The following RANBP9 variants were observed in gnomAD, a reference collection of about 807,000 sequenced individuals.
RANBP9 encodes the protein RAN binding protein 9.
A neutral mutation model predicts 84.3 loss-of-function variants in RANBP9; 15 were observed. The ratio of observed to expected loss-of-function variants is 0.18; its 90% CI spans 0.12 to 0.27. The LOEUF is 0.27. Among genes scored for constraint, RANBP9 ranks in the 10% least tolerant of loss-of-function variants. The probability of loss-of-function intolerance (pLI) is 1.00; values close to 1 mark genes in which losing one functional copy is unlikely to be tolerated. For missense variants in RANBP9, 809 were observed against 912.8 expected, an observed-to-expected ratio of 0.89 and a Z score of 1.46; for synonymous variants, 392 against 349.6, an observed-to-expected ratio of 1.12 and a Z score of -1.35.
chr6:13,677,163 G>A (rs1765905158), intron 2 of RANBP9, among the ~76,000 whole-genome samples: 1 of 152,118 alleles, frequency 6.6e-6, no homozygotes, highest in Non-Finnish European at 1.5e-5. Context: ...TCATAGCAAG[G>A]TGGCAGGATA....
At chr6:13,625,903 C>T in intron 12 of RANBP9, 139 bp from the exon 13 acceptor site, 1 of 553,522 alleles carries the variant, frequency 1.8e-6, no homozygotes, top group South Asian at 2.2e-5. Context: ...ACTCCCAGCA[C>T]TGGGACGCTC....
chr6:13,687,172 C>G (rs182753330), intron 2 of RANBP9, among the ~76,000 whole-genome samples: 1 of 152,172 alleles, frequency 6.6e-6, no homozygotes, highest in Admixed American at 6.5e-5. Flanking sequence ...CCTATCAATT[C>G]CCATGGCTTT....
intron 2 of RANBP9, among the ~76,000 whole-genome samples, chr6:13,667,345 G>A (rs982523530): frequency 6.6e-6 from 1 of 151,830 alleles, no homozygotes. Flanking sequence ...TTAGTTTTCT[G>A]CTATACCTTT....
At chr6:13,672,358 T>A (rs1490851476) in intron 2 of RANBP9, among the ~76,000 whole-genome samples, 3 of 152,090 alleles carry the variant, frequency 2.0e-5, no homozygotes. Flanking sequence ...ACACTTCTCC[T>A]CTCTACTAAA....
intron 5 of RANBP9, among the ~76,000 whole-genome samples, 178 bp from the exon 6 acceptor site, chr6:13,644,907 A>C (rs1337079571): frequency 1.3e-5 from 2 of 152,214 alleles, no homozygotes; most frequent in Non-Finnish European, 2.9e-5. Context: ...AGATGAAAAA[A>C]TATCACTTCC....
intron 2 of RANBP9, among the ~76,000 whole-genome samples, chr6:13,677,464 CTTTT>C (rs920649604): frequency 4.0e-5 from 6 of 151,878 alleles, no homozygotes; most frequent in African/African-American, 1.5e-4. Context: ...TAAGAGGGAT[CTTTT>C]TTTTATCTTA....
intron 1 of RANBP9, among the ~76,000 whole-genome samples, chr6:13,709,635 G>C (rs548847262): frequency 6.6e-6 from 1 of 152,178 alleles, no homozygotes; most frequent in African/African-American, 2.4e-5. Context: ...GATTAAGGAG[G>C]ATAACACTTG....
chr6:13,698,484 C>T (rs1584948567), intron 1 of RANBP9, among the ~76,000 whole-genome samples: 1 of 152,072 alleles, frequency 6.6e-6, no homozygotes, highest in Non-Finnish European at 1.5e-5. Flanking sequence ...GAGAAAAGGC[C>T]ATGGAAACTA....
At chr6:13,710,644 G>C (rs1291029846) in intron 1 of RANBP9, among the ~76,000 whole-genome samples, 1 of 152,214 alleles carries the variant, frequency 6.6e-6, no homozygotes, top group Non-Finnish European at 1.5e-5. Flanking sequence ...AGCCAGTTCT[G>C]TCCTGTCATC....
intron 1 of RANBP9, among the ~76,000 whole-genome samples, chr6:13,703,495 C>A (rs1443519745): frequency 6.6e-6 from 1 of 152,204 alleles, no homozygotes; most frequent in African/African-American, 2.4e-5. Context: ...TATCCTTGTA[C>A]CAGCAGGGTA....
At position 13,711,236 on chromosome 6, in the gene RANBP9, A is replaced by C. The variant is rs989477384; in HGVS notation, c.270T>G (p.Pro90=). ...CGGGGGCAGCCGCTGAGGCAGGGGG[A>C]GGCGGGGGCGGCGGCGGGGGCGGCG... is the stretch of plus-strand genomic sequence containing the variant. ...AAPPPPPPPP[P]PPASAAAPAS... The change falls in exon 1 of 14, where the codon CCT becomes CCG. Residue 90 remains proline (P), a synonymous_variant. Coordinates refer to ENST00000011619, the MANE Select transcript of RANBP9 (RefSeq NM_005493.3). 8 of 326,278 alleles carry C rather than the reference A, an allele frequency of 2.5e-5. No individual in the cohort carries two copies. The highest frequency in any genetic ancestry group is 1.9e-4 in the African/African-American group (3 of 15,924). The allele number at this position is 326,278 out of a possible 1,614,324, so 20.2% of individuals were successfully genotyped here. A position where few individuals can be genotyped will look rare whatever the true frequency, so the allele number is the denominator to read the frequency against.
intron 1 of RANBP9, among the ~76,000 whole-genome samples, chr6:13,699,101 T>C (rs1404310369): frequency 6.6e-6 from 1 of 152,150 alleles, no homozygotes; most frequent in Non-Finnish European, 1.5e-5. Flanking sequence ...AAATCTGTAA[T>C]CTGTCATGGG....
At chr6:13,687,877 GT>G (rs1444888133) in intron 2 of RANBP9, among the ~76,000 whole-genome samples, 4 of 152,108 alleles carry the variant, frequency 2.6e-5, no homozygotes, top group Non-Finnish European at 5.9e-5. Flanking sequence ...AAGATAAAAG[GT>G]AACACCCATT....
intron 2 of RANBP9, among the ~76,000 whole-genome samples, chr6:13,682,395 TA>T (rs202214378): frequency 0.03 from 3,064 of 102,314 alleles, 34 homozygotes; most frequent in African/African-American, 0.051. Flanking sequence ...GAAGCAAAAT[TA>T]AAAAAAAAAA....
intron 2 of RANBP9, among the ~76,000 whole-genome samples, chr6:13,675,183 T>C (rs976279799): frequency 6.6e-6 from 1 of 152,102 alleles, no homozygotes; most frequent in Non-Finnish European, 1.5e-5. Flanking sequence ...TTGACATTTA[T>C]AGTATACTTT....
rs1364005345 is a variant in RANBP9, at chr6:13,625,718, A to T, written c.1994T>A (p.Val665Asp). Residue 665 changes from valine to aspartate, a missense_variant, in exon 13 of 14, where the codon GTT (valine) becomes GAT (aspartate). Transcript: ENST00000011619. The part of the protein sequence containing the change: ...LAYSDPWNSP[V>D]GNQLDPIQRE... The stretch of plus-strand genomic sequence containing the variant: ...CTGAATCGGGTCAAGCTGATTTCCA[A>T]CTGGGCTGTTCCAGGGATCTGAATA... The T allele has an allele frequency of 6.2e-7, 1 of 1,613,122 alleles. No homozygotes were observed. Among genetic ancestry groups the T allele is most frequent in the Admixed American group, 1.7e-5 (1 of 59,992 alleles).
At chr6:13,622,558 A>G (rs2127756638) in intron 13 of RANBP9, 66 bp from the exon 14 acceptor site, 1 of 1,459,822 alleles carries the variant, frequency 6.9e-7, no homozygotes, top group South Asian at 1.4e-5. Context: ...CATTTCAATC[A>G]GGAGAATACT....
rs1053914737 is a variant in RANBP9, at chr6:13,652,558, T to C, written c.927+101A>G. ...GCATGTCATATAAACCTAATAAATA[T>C]CAATAAGACTGTATTTTAAACTTTC... On this transcript the variant is annotated intron_variant, in intron 5 of 13. Transcript: ENST00000011619. The C allele has an allele frequency of 4.5e-6, 5 of 1,111,936 alleles. No homozygotes were observed. In the African/African-American group the frequency reaches 4.8e-5, roughly 11 times the overall value. The allele number at this position is 1,111,936 out of a possible 1,614,324, so 68.9% of individuals were successfully genotyped here. A position where few individuals can be genotyped will look rare whatever the true frequency, so the allele number is the denominator to read the frequency against.
Position 13,711,186 on chromosome 6 carries a change from C to T in RANBP9, c.320G>A (p.Gly107Asp). The T allele has an allele frequency of 7.9e-7, 1 of 1,265,650 alleles. No homozygotes were observed. Among genetic ancestry groups the T allele is most frequent in the Non-Finnish European group, 9.9e-7 (1 of 1,007,244 alleles). The allele number at this position is 1,265,650 out of a possible 1,614,324, so 78.4% of individuals were successfully genotyped here. A position where few individuals can be genotyped will look rare whatever the true frequency, so the allele number is the denominator to read the frequency against. ...AGCCGGGCCGGGGCCCGCTGCAAGG[C>T]CCGGGGGAGCGGGCGGCCCGCTGGC... ...APASGPPAPP[G>D]LAAGPGPAGG... The change falls in exon 1 of 14, where the codon GGC becomes GAC. Residue 107 changes from glycine (G) to aspartate (D), a missense_variant. Physicochemically the swap from Gly to Asp is moderately conservative, Grantham distance 94. Coordinates refer to ENST00000011619, the MANE Select transcript of RANBP9 (RefSeq NM_005493.3).
Sources: gnomAD v4.1 joint callset for allele counts (sites outside exome capture counted in the v4.1 genomes callset) on GRCh38, gnomAD v4.1.1 for gene constraint, MANE v1.5 for transcripts, NCBI Gene and HGNC (gene_info 2026-07-23, HGNC 2026-07-21) for gene names.